Variants in PTPN23 observed in about 807,000 individuals in gnomAD.
The protein encoded by PTPN23 is protein tyrosine phosphatase non-receptor type 23.
In PTPN23, 72 loss-of-function variants were observed where a neutral mutation model predicts 156.3. The observed-to-expected ratio is 0.46, with a 90% confidence interval of 0.38 to 0.56. The LOEUF is 0.56. PTPN23 is among the 20% of genes least tolerant of loss of function. The pLI is 0.00. For synonymous variants in PTPN23, 957 were observed against 899.6 expected, an observed-to-expected ratio of 1.06 and a Z score of -1.14; for missense variants, 1,974 against 2,171.5, an observed-to-expected ratio of 0.91 and a Z score of 1.81.
At chr3:47,408,548 C>T in intron 15 of PTPN23, 58 bp downstream of exon 15, 1 of 1,564,604 alleles carries the variant, frequency 6.4e-7, no homozygotes, top group Non-Finnish European at 8.7e-7. Flanking sequence ...CTGCTGTGGC[C>T]TCCTCCGTGT....
Position 47,413,069 on chromosome 3 carries a change from C to T in PTPN23, c.4795C>T (p.Arg1599Trp), listed in dbSNP as rs147706627. The T allele has an allele frequency of 3.6e-5, 58 of 1,612,946 alleles. No individual in the cohort carries two copies. Among genetic ancestry groups the T allele is most frequent in the East Asian group, 6.7e-5 (3 of 44,884 alleles). ...GGACAGCTCCCTGCGGGGCAAACAGCGGATGAGCAAGCATAACTTTCTGCA... is the reference window on the plus strand; with the variant it reads ...GGACAGCTCCCTGCGGGGCAAACAGTGGATGAGCAAGCATAACTTTCTGCA... ...SLDSSLRGKQRMSKHNFLQAH... is the reference protein window; with the variant it reads ...SLDSSLRGKQWMSKHNFLQAH... The change falls in exon 25 of 25, where the codon CGG (arginine) becomes TGG (tryptophan). Residue 1599 changes from arginine (R) to tryptophan (W), a missense_variant. By Grantham distance (101) the Arg-to-Trp change is moderately radical. Around this residue, in one of 4 missense-constraint regions of PTPN23, gnomAD observed 484 missense variants for 516.0 expected, o/e 0.94. Transcript: ENST00000265562.
At position 47,409,554 on chromosome 3, in the gene PTPN23, C is replaced by A; in HGVS notation, c.1935C>A (p.Ser645Arg). 6.2e-7 allele frequency: 1 copy of A among 1,613,464 alleles called. No individual in the cohort carries two copies. The highest frequency in any genetic ancestry group is 8.5e-7 in the Non-Finnish European group (1 of 1,179,596). ...VQYAAVRRVL[S>R]DLDQKWNSTL... ...ACGCAGCCGTGCGGCGGGTACTCAG[C>A]GACTTGGACCAAAAGTCAGTGCCCA... is the stretch of plus-strand genomic sequence containing the variant. Residue 645 changes from serine (S) to arginine (R), a missense_variant, in exon 18 of 25, where the codon AGC becomes AGA. Physicochemically the swap from Ser to Arg is moderately radical, Grantham distance 110. Transcript: ENST00000265562.
chr3:47,406,088 A>AGG lies in PTPN23; in HGVS notation c.546+45_546+46dup, dbSNP rs1705116372. 3 of 1,602,608 alleles carry AGG rather than the reference A, an allele frequency of 1.9e-6. No individual in the cohort carries two copies. In the East Asian group the frequency reaches 6.7e-5, roughly 36 times the overall value. On this transcript the variant is annotated intron_variant, in intron 6 of 24. Coordinates refer to ENST00000265562, the MANE Select transcript of PTPN23 (RefSeq NM_015466.4). The surrounding 1 kb of genome is among the most constrained non-coding windows in gnomAD (Gnocchi z 5.8). ...GTTGGAGTGGAGTTGAATCCAGGGA[A>AGG]GGGGATGGCCAGGGAGGGGGCAGTT... is the stretch of plus-strand genomic sequence containing the variant.
chr3:47,390,560 C>A (rs1008205089), intron 1 of PTPN23, among the ~76,000 whole-genome samples: 2 of 152,128 alleles, frequency 1.3e-5, no homozygotes, highest in Admixed American at 1.3e-4. Flanking sequence ...CTTCATACTT[C>A]CCGCTAGACT....
intron 1 of PTPN23, among the ~76,000 whole-genome samples, chr3:47,392,590 T>C (rs1704797884): frequency 2.0e-5 from 3 of 152,148 alleles, no homozygotes; most frequent in African/African-American, 4.8e-5. Flanking sequence ...AGAGTGAAGA[T>C]TGTTAAATGC....
intron 2 of PTPN23, among the ~76,000 whole-genome samples, chr3:47,401,052 G>A (rs944416022): frequency 6.6e-6 from 1 of 151,010 alleles, no homozygotes; most frequent in Non-Finnish European, 1.5e-5. Context: ...ACAGGTGCCC[G>A]TCACCATGCC....
At chr3:47,399,872 G>A (rs1330362347) in intron 2 of PTPN23, among the ~76,000 whole-genome samples, 11 of 152,182 alleles carry the variant, frequency 7.2e-5, no homozygotes, top group African/African-American at 2.4e-4. Flanking sequence ...AGGCTGGGGT[G>A]CAGTCTATCT....
intron 2 of PTPN23, among the ~76,000 whole-genome samples, chr3:47,403,143 C>G (rs530032217): frequency 6.6e-6 from 1 of 151,936 alleles, no homozygotes; most frequent in Non-Finnish European, 1.5e-5. Context: ...CTCCGCCCCC[C>G]GGGGGTTCAC....
Position 47,410,434 on chromosome 3 carries a change from C to T in PTPN23, c.2636C>T (p.Pro879Leu). Residue 879 changes from proline to leucine, a missense_variant, in exon 20 of 25, where the codon CCA becomes CTA. By Grantham distance (98) the Pro-to-Leu change is moderately conservative. This residue lies in a region of PTPN23 where 731 missense variants were observed against 669.1 expected (regional missense o/e 1.09). Transcript: ENST00000265562. Reference sequence around the variant, plus strand: ...CCCGAGTTGGCCATGGCGGTTCGGCCAGCCACCACCACAGTAGATAGCATC... The same window carrying T: ...CCCGAGTTGGCCATGGCGGTTCGGCTAGCCACCACCACAGTAGATAGCATC... ...SGPELAMAVR[P>L]ATTTVDSIQA... 1 of 1,611,518 alleles carries T rather than the reference C, an allele frequency of 6.2e-7. No individual in the cohort carries two copies. Among genetic ancestry groups the T allele is most frequent in the East Asian group, 2.2e-5 (1 of 44,806 alleles).
At chr3:47,389,173 A>G (rs1704716990) in intron 1 of PTPN23, among the ~76,000 whole-genome samples, 1 of 152,182 alleles carries the variant, frequency 6.6e-6, no homozygotes, top group African/African-American at 2.4e-5. Context: ...ATGCTTGTTA[A>G]GTTCTTAGTA....
At position 47,410,521 on chromosome 3, in the gene PTPN23, C is replaced by T. The variant is rs1475474132; in HGVS notation, c.2723C>T (p.Pro908Leu). The T allele has an allele frequency of 1.5e-5, 24 of 1,610,568 alleles. No individual in the cohort carries two copies. Among genetic ancestry groups the T allele is most frequent in the African/African-American group, 4.0e-5 (3 of 74,738 alleles). Residue 908 changes from proline to leucine, a missense_variant, in exon 20 of 25, where the codon CCC (proline) becomes CTC (leucine). Physicochemically the swap from Pro to Leu is moderately conservative, Grantham distance 98. Transcript: ENST00000265562. ...RPNPTPAPPP[P>L]CFPVPPPQPL... ...AACCCCACCCCTGCTCCTCCCCCGC[C>T]CTGCTTCCCTGTGCCCCCACCGCAG...
intron 2 of PTPN23, among the ~76,000 whole-genome samples, chr3:47,399,277 A>G (rs1704943993): frequency 6.6e-6 from 1 of 152,104 alleles, no homozygotes; most frequent in Admixed American, 6.6e-5. Flanking sequence ...AGGGGCTGAA[A>G]TTGACCAAAA....
In PTPN23 at chr3:47,407,108, G is replaced by A. The variant is rs377743663; in HGVS notation, c.808-22G>A. Reference sequence around the variant, plus strand: ...GTCCAAGCAGAGGAGGACAGAGCAGGCTTTCCTGCCACCCTCCACAGGTTG... The same window carrying A: ...GTCCAAGCAGAGGAGGACAGAGCAGACTTTCCTGCCACCCTCCACAGGTTG... On this transcript the variant is annotated intron_variant, in intron 9 of 24. Transcript: ENST00000265562. This position sits in a 1 kb window ranked among gnomAD's most constrained non-coding sequence, Gnocchi z 4.0. 184 of 1,613,814 alleles carry A rather than the reference G, an allele frequency of 1.1e-4. No homozygotes were observed. The highest frequency in any genetic ancestry group is 6.5e-4 in the African/African-American group (49 of 74,990).
chr3:47,385,298 T>C (rs1051902152), intron 1 of PTPN23, among the ~76,000 whole-genome samples: 1 of 152,212 alleles, frequency 6.6e-6, no homozygotes, highest in African/African-American at 2.4e-5. Flanking sequence ...TGGACTGAGC[T>C]GTTACGTTCA....
rs761558537 is a variant in PTPN23 at position 47,412,183 on chromosome 3, T to C, written c.4163T>C (p.Ile1388Thr). Reference protein sequence around the residue: ...YLHQRPLHTPIIVHCSSGVGR... With the variant: ...YLHQRPLHTPTIVHCSSGVGR... ...CATCAGCGGCCGCTGCACACGCCCA[T>C]CATTGTGCACTGCAGGTAGAGGGTG... The change falls in exon 22 of 25, where the codon ATC (isoleucine) becomes ACC (threonine). Residue 1388 changes from isoleucine (I) to threonine (T), a missense_variant. Ile to Thr is a moderately conservative substitution (Grantham distance 89, BLOSUM62 -1). Transcript: ENST00000265562. The C allele has an allele frequency of 6.2e-7, 1 of 1,613,214 alleles. No homozygotes were observed. The highest frequency in any genetic ancestry group is 8.5e-7 in the Non-Finnish European group (1 of 1,180,028).
Position 47,410,878 on chromosome 3 carries a change from T to C in PTPN23, c.3080T>C (p.Leu1027Pro). Residue 1027 changes from leucine (L) to proline (P), a missense_variant, in exon 20 of 25, where the codon CTG (leucine) becomes CCG (proline). By Grantham distance (98) the Leu-to-Pro change is moderately conservative. Coordinates refer to ENST00000265562, the MANE Select transcript of PTPN23 (RefSeq NM_015466.4). The stretch of plus-strand genomic sequence containing the variant: ...TACCCAGGTCCCGCTCAAGACCCTC[T>C]GCCAGCCCACTCAGGGGCTCTGCCT... ...QLYPGPAQDPLPAHSGALPFP... is the reference protein window; with the variant it reads ...QLYPGPAQDPPPAHSGALPFP... 6.3e-7 allele frequency: 1 copy of C among 1,599,300 alleles called. No homozygotes were observed.
intron 1 of PTPN23, among the ~76,000 whole-genome samples, chr3:47,382,352 GC>G (rs1403010742): frequency 7.0e-6 from 1 of 143,232 alleles, no homozygotes; most frequent in Non-Finnish European, 1.5e-5. Context: ...ACGGAGTTTC[GC>G]TCTTGTTGCC....
intron 1 of PTPN23, among the ~76,000 whole-genome samples, chr3:47,392,164 G>A (rs2107698844): frequency 6.6e-6 from 1 of 151,956 alleles, no homozygotes; most frequent in Admixed American, 6.6e-5. Flanking sequence ...GGGATTACAG[G>A]CATGAGCCAC....
At chr3:47,403,356 T>C (rs1227381184) in intron 2 of PTPN23, among the ~76,000 whole-genome samples, 1 of 151,800 alleles carries the variant, frequency 6.6e-6, no homozygotes, top group Non-Finnish European at 1.5e-5. Flanking sequence ...CTGGCCACAT[T>C]CTTTTCTTTT....
Sources: gnomAD v4.1 joint callset for allele counts (sites outside exome capture counted in the v4.1 genomes callset) on GRCh38, gnomAD v4.1.1 for gene constraint, gnomAD v4.1.1 regional missense constraint, Gnocchi (gnomAD v3.1) non-coding constraint, MANE v1.5 for transcripts, NCBI Gene and HGNC (gene_info 2026-07-23, HGNC 2026-07-21) for gene names.